ACTA2: variants seen among roughly 807,000 people sequenced by gnomAD.
ACTA2 encodes the protein actin alpha 2, smooth muscle.
Under a neutral mutation model 39.5 loss-of-function variants are expected in ACTA2, and 12 were observed. The observed-to-expected ratio is 0.30, with a 90% CI of 0.19 to 0.49. The LOEUF is 0.49. Among genes scored for constraint, ACTA2 ranks in the 20% least tolerant of loss-of-function variants. ACTA2 has a pLI of 0.99. For synonymous variants in ACTA2, 158 were observed against 180.6 expected, an observed-to-expected ratio of 0.88 and a Z score of 1.00; for missense variants, 236 against 498.8, an observed-to-expected ratio of 0.47 and a Z score of 5.02.
chr10:88,987,255 A>C (rs1466336915), intron 1 of ACTA2, among the ~76,000 whole-genome samples: 1 of 152,240 alleles, frequency 6.6e-6, no homozygotes, highest in Non-Finnish European at 1.5e-5. Context: ...AGAATAGCTA[A>C]TTTGTAACAA....
chr10:88,988,706 C>T (rs1282586705), intron 1 of ACTA2, among the ~76,000 whole-genome samples: 2 of 152,134 alleles, frequency 1.3e-5, no homozygotes, highest in Non-Finnish European at 2.9e-5. Flanking sequence ...GATGCCCAAA[C>T]TGTTTTCCCC....
chr10:88,951,984 A>G (rs2133281247), intron 1 of ACTA2, among the ~76,000 whole-genome samples: 1 of 152,278 alleles, frequency 6.6e-6, no homozygotes, highest in Admixed American at 6.5e-5. Flanking sequence ...CTTTAAGCTG[A>G]GGGAGATGCA....
intron 1 of ACTA2, among the ~76,000 whole-genome samples, chr10:88,951,518 A>G (rs937704962): frequency 2.6e-5 from 4 of 152,302 alleles, no homozygotes; most frequent in Admixed American, 6.5e-5. Flanking sequence ...AAGAAAAAGA[A>G]AAAGAAAATC....
At position 88,935,113 on chromosome 10, in the gene ACTA2, G is replaced by A; in HGVS notation, c.*110C>T. ...TTTCAGATTTATTAAAAAACACATAGGTAACGAGTCAGAGCTTTGGCTAGG... is the reference window on the plus strand; with the variant it reads ...TTTCAGATTTATTAAAAAACACATAAGTAACGAGTCAGAGCTTTGGCTAGG... On this transcript the variant is annotated 3_prime_UTR_variant, in exon 9 of 9. Coordinates refer to ENST00000224784, the MANE Select transcript of ACTA2 (RefSeq NM_001613.4). The A allele has an allele frequency of 2.7e-6, 4 of 1,481,954 alleles. No homozygotes were observed. In the Admixed American group the frequency reaches 6.9e-5, roughly 26 times the overall value. 91.8% of individuals were successfully genotyped at this position (1,481,954 alleles called of 1,614,324 possible). A position where few individuals can be genotyped will look rare whatever the true frequency, so the allele number is the denominator to read the frequency against.
upstream of ACTA2, among the ~76,000 whole-genome samples, chr10:88,953,687 G>A (rs1209617838): frequency 6.6e-6 from 1 of 152,126 alleles, no homozygotes; most frequent in Non-Finnish European, 1.5e-5. Context: ...ATAATCCCAT[G>A]TCCAGAGAAA....
intron 3 of ACTA2, chr10:88,946,990 T>C (rs537739085): frequency 2.4e-4 from 75 of 306,992 alleles, no homozygotes; most frequent in Non-Finnish European, 4.2e-4. Flanking sequence ...GAACATGCGG[T>C]GTTTGGTTTT....
intron 1 of ACTA2, among the ~76,000 whole-genome samples, chr10:88,972,295 C>T (rs1846464789): frequency 6.6e-6 from 1 of 152,106 alleles, no homozygotes; most frequent in Non-Finnish European, 1.5e-5. Flanking sequence ...GTAAATTCAG[C>T]TATTGTCTTG....
At chr10:88,952,222 G>A (rs1180970595) in intron 1 of ACTA2, among the ~76,000 whole-genome samples, 1 of 152,170 alleles carries the variant, frequency 6.6e-6, no homozygotes, top group Non-Finnish European at 1.5e-5. Flanking sequence ...ACCCAGAAGG[G>A]AATACACAAA....
intron 1 of ACTA2, among the ~76,000 whole-genome samples, chr10:88,951,499 CA>C (rs59375821): frequency 1.7e-3 from 236 of 142,518 alleles, no homozygotes; most frequent in Non-Finnish European, 2.3e-3. Flanking sequence ...TTTACTTGGC[CA>C]AAAAAAAAAG....
chr10:88,981,068 A>G (rs554505977), intron 1 of ACTA2, among the ~76,000 whole-genome samples: 2 of 152,308 alleles, frequency 1.3e-5, no homozygotes, highest in African/African-American at 4.8e-5. Context: ...TGGGGAGGCC[A>G]ACTGCGAGGA....
At chr10:88,960,663 G>C (rs1241707802) in intron 1 of ACTA2, among the ~76,000 whole-genome samples, 1 of 152,064 alleles carries the variant, frequency 6.6e-6, no homozygotes, top group Admixed American at 6.6e-5. Flanking sequence ...CATGTGAAGA[G>C]GACCACCATG....
intron 1 of ACTA2, among the ~76,000 whole-genome samples, chr10:88,989,949 A>G (rs961738552): frequency 6.6e-6 from 1 of 152,262 alleles, no homozygotes; most frequent in Non-Finnish European, 1.5e-5. Context: ...GTTCCAAAGC[A>G]ATAGTGACTT....
Position 88,941,520 on chromosome 10 carries a change from G to A in ACTA2, c.455-130C>T, listed in dbSNP as rs1293282900. The A allele has an allele frequency of 2.5e-6, 3 of 1,216,296 alleles. No individual in the cohort carries two copies. In the African/African-American group the frequency reaches 4.5e-5, roughly 18 times the overall value. The allele number at this position is 1,216,296 out of a possible 1,614,324, so 75.3% of individuals were successfully genotyped here. On this transcript the variant is annotated intron_variant, in intron 5 of 8. Transcript: ENST00000224784. ...TATTTAAAAAGAGAAAACAGGGCATGTGATAGGAGAGGTGAGGTGGGACAG... is the reference window on the plus strand; with the variant it reads ...TATTTAAAAAGAGAAAACAGGGCATATGATAGGAGAGGTGAGGTGGGACAG...
chr10:88,974,747 A>T (rs1846525540), intron 1 of ACTA2: 1 of 152,220 alleles, frequency 6.6e-6, no homozygotes, highest in South Asian at 2.1e-4. Context: ...GATAAAATAA[A>T]TCTCTTTCAC....
At chr10:88,987,904 A>G (rs1010260020) in intron 1 of ACTA2, among the ~76,000 whole-genome samples, 1 of 152,322 alleles carries the variant, frequency 6.6e-6, no homozygotes, top group South Asian at 2.1e-4. Context: ...TTTGCTTTCT[A>G]TAATGTCAAT....
At chr10:88,938,414 C>T (rs1845786899) in intron 7 of ACTA2, 172 bp from the exon 8 acceptor site, 1 of 700,722 alleles carries the variant, frequency 1.4e-6, no homozygotes, top group Non-Finnish European at 2.5e-6. Context: ...TGCTCTATGT[C>T]TTCCTGCCTG....
chr10:88,977,261 T>C (rs911153498), intron 1 of ACTA2, among the ~76,000 whole-genome samples: 5 of 151,712 alleles, frequency 3.3e-5, no homozygotes, highest in Admixed American at 2.6e-4. Flanking sequence ...TGAATGGTAA[T>C]GCCTAGGTTT....
Position 88,990,917 on chromosome 10 carries a change from T to A in ACTA2, c.-24+22A>T, listed in dbSNP as rs1564670130. The stretch of plus-strand genomic sequence containing the variant: ...ACCCTCCTACCTCTGGTGAGCCCTC[T>A]CCTGCCCGGGTGGAGGCTTACCCCG... On this transcript the variant is annotated intron_variant, in intron 1 of 4. Transcript: ENST00000415557. This position sits in a 1 kb window ranked among gnomAD's most constrained non-coding sequence, Gnocchi z 4.9. 6.2e-7 allele frequency: 1 copy of A among 1,614,054 alleles called. No homozygotes were observed. Among genetic ancestry groups the A allele is most frequent in the Non-Finnish European group, 8.5e-7 (1 of 1,180,020 alleles).
intron 1 of ACTA2, chr10:88,989,505 G>A (rs1345068257): frequency 1.8e-6 from 1 of 544,212 alleles, no homozygotes; most frequent in Non-Finnish European, 3.6e-6. Context: ...GCACGCCCAG[G>A]GTCTTCCTCA....
Sources: gnomAD v4.1 joint callset for allele counts (sites outside exome capture counted in the v4.1 genomes callset) on GRCh38, gnomAD v4.1.1 for gene constraint, Gnocchi (gnomAD v3.1) non-coding constraint, MANE v1.5 for transcripts, NCBI Gene and HGNC (gene_info 2026-07-23, HGNC 2026-07-21) for gene names.